ANO3: variants seen among roughly 807,000 people sequenced by gnomAD.
The protein encoded by ANO3 is anoctamin-3.
A neutral mutation model predicts 144.8 loss-of-function variants in ANO3; 99 were observed. That is an observed-to-expected ratio of 0.68 (90% CI 0.58 to 0.81). The LOEUF is 0.81. Ranked by LOEUF, ANO3 falls within the 30% of genes least tolerant of loss-of-function variation. ANO3 has a pLI of 0.00. For synonymous variants in ANO3, 414 were observed against 392.6 expected (o/e 1.05, Z -0.64); for missense variants, 905 against 1,202.2 (o/e 0.75, Z 3.66).
chr11:26,288,454 T>C (rs144780025), intron 1 of ANO3, among the ~76,000 whole-genome samples: 84 of 152,346 alleles, frequency 5.5e-4, no homozygotes, highest in African/African-American at 2.0e-3. Context: ...ATCTGGACTC[T>C]TAAATTGTCA....
At chr11:26,341,176 G>T (rs1206202144) in intron 1 of ANO3, among the ~76,000 whole-genome samples, 1 of 150,718 alleles carries the variant, frequency 6.6e-6, no homozygotes, top group Admixed American at 6.6e-5. Context: ...CAAAACAGCG[G>T]GCTTTGCTGT....
intron 14 of ANO3, among the ~76,000 whole-genome samples, chr11:26,581,766 A>G (rs1018150593): frequency 2.6e-5 from 4 of 151,978 alleles, no homozygotes; most frequent in African/African-American, 9.7e-5. Flanking sequence ...AAAAGATGGA[A>G]AGTATCATGT....
chr11:26,201,959 G>A (rs1851702203), intron 1 of ANO3, among the ~76,000 whole-genome samples: 1 of 150,820 alleles, frequency 6.6e-6, no homozygotes, highest in African/African-American at 2.4e-5. Context: ...AATGATTTTA[G>A]GCAGAATATT....
intron 7 of ANO3, among the ~76,000 whole-genome samples, chr11:26,527,678 TG>T (rs1432865670): frequency 6.6e-6 from 1 of 152,182 alleles, no homozygotes; most frequent in Admixed American, 6.5e-5. Flanking sequence ...GGATAAATAA[TG>T]TACAGGCAGT....
intron 12 of ANO3, among the ~76,000 whole-genome samples, chr11:26,550,357 T>A (rs1849901606): frequency 1.3e-5 from 2 of 151,922 alleles, no homozygotes; most frequent in South Asian, 4.1e-4. Context: ...AGGCACAATG[T>A]CATACAGCAG....
chr11:26,229,728 G>A (rs1852348298), intron 1 of ANO3, among the ~76,000 whole-genome samples: 1 of 151,966 alleles, frequency 6.6e-6, no homozygotes, highest in South Asian at 2.1e-4. Flanking sequence ...TTTAAAATAA[G>A]CACCCTCTAC....
At chr11:26,241,539 G>A (rs1313724809) in intron 1 of ANO3, among the ~76,000 whole-genome samples, 2 of 152,056 alleles carry the variant, frequency 1.3e-5, no homozygotes, top group Non-Finnish European at 2.9e-5. Flanking sequence ...CTTTTCCCAT[G>A]TATGATCTGA....
intron 1 of ANO3, among the ~76,000 whole-genome samples, chr11:26,192,000 TAAATA>T (rs1194272257): frequency 6.6e-6 from 1 of 152,198 alleles, no homozygotes; most frequent in African/African-American, 2.4e-5. Flanking sequence ...AAATTATGAT[TAAATA>T]AATAACCAAA....
At chr11:26,572,157 G>A in intron 14 of ANO3, 1 of 985,400 alleles carries the variant, frequency 1.0e-6, no homozygotes, top group Non-Finnish European at 1.2e-6. Flanking sequence ...ATGTCGCACT[G>A]AGCAGGAGGG....
At chr11:26,307,721 AAATAAT>A (rs56805697), upstream of ANO3, among the ~76,000 whole-genome samples, 872 of 142,492 alleles carry the variant, frequency 6.1e-3, 4 homozygotes, top group African/African-American at 0.017. Context: ...CTCCGTCTCT[AAATAAT>A]AATAATAATA....
chr11:26,215,026 T>G (rs772755479), intron 1 of ANO3, among the ~76,000 whole-genome samples: 4 of 152,026 alleles, frequency 2.6e-5, no homozygotes, highest in Non-Finnish European at 5.9e-5. Flanking sequence ...AGTGTCATTA[T>G]GATCACATCA....
chr11:26,503,309 T>C (rs1312811191), intron 4 of ANO3, among the ~76,000 whole-genome samples: 1 of 152,176 alleles, frequency 6.6e-6, no homozygotes, highest in Admixed American at 6.5e-5. Flanking sequence ...ATTTTATGTT[T>C]GGACAACTGT....
At chr11:26,654,831 GTTTA>G (rs1041972712) in intron 24 of ANO3, among the ~76,000 whole-genome samples, 5 of 133,018 alleles carry the variant, frequency 3.8e-5, no homozygotes, top group African/African-American at 1.4e-4. Flanking sequence ...TAAAACATTT[GTTTA>G]TTTATTAATA....
intron 14 of ANO3, among the ~76,000 whole-genome samples, chr11:26,562,630 C>A (rs2134253517): frequency 6.6e-6 from 1 of 151,816 alleles, no homozygotes; most frequent in South Asian, 2.1e-4. Flanking sequence ...TGCAAATATG[C>A]AACTTTTAGA....
chr11:26,330,149 AT>A (rs1300353057), upstream of ANO3, among the ~76,000 whole-genome samples: 1 of 152,188 alleles, frequency 6.6e-6, no homozygotes, highest in Non-Finnish European at 1.5e-5. Flanking sequence ...GTTTTCTGCC[AT>A]TCTTAAATTC....
In ANO3 at chr11:26,228,450, G is replaced by A. The variant is rs116790714; in HGVS notation, c.154+39120G>A. On this transcript the variant is annotated intron_variant, in intron 1 of 27. Transcript: ENST00000672621. ...TCTAATAATATTTTCTGCTTTCTCA[G>A]TCCATTCCTGGCATCAACAAACACA... Among the ~76,000 whole-genome samples, 1,158 of 152,320 alleles carry A rather than the reference G, an allele frequency of 7.6e-3. 17 individuals carry two copies. Among genetic ancestry groups the A allele is most frequent in the African/African-American group, 0.027 (1,106 of 41,578 alleles).
chr11:26,243,807 A>G (rs1176896506), intron 1 of ANO3, among the ~76,000 whole-genome samples: 1 of 152,162 alleles, frequency 6.6e-6, no homozygotes, highest in African/African-American at 2.4e-5. Context: ...ATCTTAAATG[A>G]AGCCATGGTA....
At chr11:26,516,185 A>G (rs1198438350) in intron 5 of ANO3, among the ~76,000 whole-genome samples, 1 of 151,864 alleles carries the variant, frequency 6.6e-6, no homozygotes, top group African/African-American at 2.4e-5. Flanking sequence ...CTCTTTACAT[A>G]ATCCTTATGC....
chr11:26,629,286 T>C (rs1310619373), intron 18 of ANO3, among the ~76,000 whole-genome samples: 1 of 152,154 alleles, frequency 6.6e-6, no homozygotes, highest in Non-Finnish European at 1.5e-5. Context: ...TAATCTTTTC[T>C]TATATCAGAG....
Sources: gnomAD v4.1 joint callset for allele counts (sites outside exome capture counted in the v4.1 genomes callset) on GRCh38, gnomAD v4.1.1 for gene constraint, MANE v1.5 for transcripts, NCBI Gene and HGNC (gene_info 2026-07-23, HGNC 2026-07-21) for gene names.